Variants in IVD observed in about 807,000 individuals in gnomAD.
IVD encodes isovaleryl-CoA dehydrogenase, mitochondrial.
Under a neutral mutation model 51.3 loss-of-function variants are expected in IVD, and 31 were observed. That is an observed-to-expected ratio of 0.60 (90% CI 0.45 to 0.81). The LOEUF is 0.81. Among genes scored for constraint, IVD ranks in the 40% least tolerant of loss-of-function variants. IVD has a pLI of 0.00. For missense variants in IVD, 475 were observed against 552.0 expected, an observed-to-expected ratio of 0.86 and a Z score of 1.40; for synonymous variants, 205 against 219.4, an observed-to-expected ratio of 0.93 and a Z score of 0.58.
downstream of IVD, among the ~76,000 whole-genome samples, chr15:40,422,585 C>CTTTTTTTTTTTTTTTTT (rs1157351420): frequency 1.9e-3 from 134 of 69,136 alleles, 13 homozygotes; most frequent in Admixed American, 2.9e-3. Flanking sequence ...GCCCGGCCGA[C>CTTTTTTTTTTTTTTTTT]TTTTTTTTTT....
In IVD at chr15:40,415,388, T is replaced by C. The variant is rs1485540723; in HGVS notation, c.879-13T>C. The C allele has an allele frequency of 1.2e-6, 2 of 1,612,970 alleles. No individual in the cohort carries two copies. The highest frequency in any genetic ancestry group is 2.2e-5 in the East Asian group (1 of 44,872). On this transcript the variant is annotated splice_polypyrimidine_tract_variant and intron_variant, in intron 8 of 11. Coordinates refer to ENST00000487418, the MANE Select transcript of IVD (RefSeq NM_002225.5). ...TGAGGAGGTGCCCACGGGGCCTTTC[T>C]CCTTTCTGACAGGCTCATGCAAGCG...
downstream of IVD, among the ~76,000 whole-genome samples, chr15:40,422,585 C>CTTTTTTTTTCTTTTTT (rs1892399578): frequency 1.4e-5 from 1 of 69,134 alleles, no homozygotes; most frequent in Non-Finnish European, 2.5e-5. Context: ...GCCCGGCCGA[C>CTTTTTTTTTCTTTTTT]TTTTTTTTTT....
rs1039225701 is a variant in IVD at position 40,418,962 on chromosome 15, G to A, written c.*699G>A. 10 of 469,074 alleles carry A rather than the reference G, an allele frequency of 2.1e-5. No homozygotes were observed. The East Asian group carries it at 2.2e-4, about 10-fold the overall frequency. 29.1% of individuals were successfully genotyped at this position (469,074 alleles called of 1,614,324 possible). A position where few individuals can be genotyped will look rare whatever the true frequency, so the allele number is the denominator to read the frequency against. On this transcript the variant is annotated 3_prime_UTR_variant, in exon 12 of 12. Coordinates refer to ENST00000487418, the MANE Select transcript of IVD (RefSeq NM_002225.5). ...AGCCTGGCCAACATGTGGAAACCTCGCCTCAACTAAAAATAGAAAAAAATT... is the reference window on the plus strand; with the variant it reads ...AGCCTGGCCAACATGTGGAAACCTCACCTCAACTAAAAATAGAAAAAAATT...
Position 40,420,718 on chromosome 15 carries a change from T to G in IVD, c.*2455T>G. ...TTTCTGAAAACCGCCCCTTTGTTTT[T>G]AAAAAGATCAACACAATTTGACTTT... is the stretch of plus-strand genomic sequence containing the variant. On this transcript the variant is annotated 3_prime_UTR_variant, in exon 12 of 12. Transcript: ENST00000487418. 1 of 986,004 alleles carries G rather than the reference T, an allele frequency of 1.0e-6. No individual in the cohort carries two copies. Among genetic ancestry groups the G allele is most frequent in the African/African-American group, 1.7e-5 (1 of 57,316 alleles). 61.1% of individuals were successfully genotyped at this position (986,004 alleles called of 1,614,324 possible).
chr15:40,415,595 G>A, intron 9 of IVD, 113 bp downstream of exon 9: 1 of 890,750 alleles, frequency 1.1e-6, no homozygotes, highest in Non-Finnish European at 1.8e-6. Flanking sequence ...CTAGCAAATT[G>A]AGCTTGACTG....
downstream of IVD, among the ~76,000 whole-genome samples, chr15:40,425,894 T>G (rs1892643205): frequency 1.3e-5 from 2 of 151,922 alleles, no homozygotes; most frequent in South Asian, 4.2e-4. Context: ...ACTGCAGCCT[T>G]GACCTCCCGG....
In IVD at chr15:40,406,723, G is replaced by C. The variant is rs116696916; in HGVS notation, c.144+752G>C. ...CACTTGGAGGCTGGATGGAGTTGGCGGAGGTATGAGCCTCCCAGCAACTCC... is the reference window on the plus strand; with the variant it reads ...CACTTGGAGGCTGGATGGAGTTGGCCGAGGTATGAGCCTCCCAGCAACTCC... On this transcript the variant is annotated intron_variant, in intron 1 of 11. Transcript: ENST00000487418. Among the ~76,000 whole-genome samples the C allele has an allele frequency of 9.1e-3, 1,393 of 152,290 alleles. 15 individuals are homozygous for C. The highest frequency in any genetic ancestry group is 0.032 in the African/African-American group (1,334 of 41,556).
downstream of IVD, chr15:40,424,207 C>T (rs750379714): frequency 4.7e-6 from 6 of 1,287,744 alleles, 1 homozygote; most frequent in South Asian, 7.4e-5. Context: ...TTCAGTGGCT[C>T]CCAGCACCTG....
chr15:40,414,925 A>C lies in IVD; in HGVS notation c.821A>C (p.Tyr274Ser). The change falls in exon 8 of 12, where the codon TAC (tyrosine) becomes TCC (serine). Residue 274 changes from tyrosine (Y) to serine (S), a missense_variant. By Grantham distance (144) the Tyr-to-Ser change is moderately radical (BLOSUM62 -2). Coordinates refer to ENST00000487418, the MANE Select transcript of IVD (RefSeq NM_002225.5). ...CTGGGCCATGAGAATAAGGGTGTCT[A>C]CGTGCTGATGAGTGGGCTGGACCTG... ...NILGHENKGV[Y>S]VLMSGLDLER... is the part of the protein sequence containing the mutation. 6.2e-7 allele frequency: 1 copy of C among 1,614,136 alleles called. No individual in the cohort carries two copies. Among genetic ancestry groups the C allele is most frequent in the Non-Finnish European group, 8.5e-7 (1 of 1,180,008 alleles).
rs1180321419 is a variant in IVD, at chr15:40,420,867, G to A, written c.*2604G>A. ...TAGAGTGTGATCTGAGAAGGGAATG[G>A]GTCTGGGTTGTTCCACCCCTTCCGA... On this transcript the variant is annotated 3_prime_UTR_variant, in exon 12 of 12. Coordinates refer to ENST00000487418, the MANE Select transcript of IVD (RefSeq NM_002225.5). The A allele has an allele frequency of 2.0e-6, 2 of 985,420 alleles. No homozygotes were observed. The highest frequency in any genetic ancestry group is 2.4e-6 in the Non-Finnish European group (2 of 830,016). The allele number at this position is 985,420 out of a possible 1,614,324, so 61.0% of individuals were successfully genotyped here.
Position 40,432,189 on chromosome 15 carries a change from C to A in IVD, c.720-1665C>A, listed in dbSNP as rs867824471. Among the ~76,000 whole-genome samples, 111 of 152,314 alleles carry A rather than the reference C, an allele frequency of 7.3e-4. 1 individual carries two copies. The highest frequency in any genetic ancestry group is 2.5e-3 in the African/African-American group (104 of 41,582). ...GAACTCCTGGCCTCAAGTGATCCGC[C>A]CACCTCGGCCCCCCAAAGTGCTGGA... On this transcript the variant is annotated intron_variant, in intron 7 of 8. Transcript: ENST00000473112.
intron 7 of IVD, among the ~76,000 whole-genome samples, chr15:40,432,495 C>A (rs1412587407): frequency 2.0e-5 from 3 of 152,238 alleles, no homozygotes; most frequent in Admixed American, 1.3e-4. Flanking sequence ...TGTAGTCCCC[C>A]CAGAGGGTGT....
Position 40,419,189 on chromosome 15 carries a change from G to A in IVD, c.*926G>A, listed in dbSNP as rs911383651. 1.6e-6 allele frequency: 2 copies of A among 1,289,148 alleles called. No homozygotes were observed. Among genetic ancestry groups the A allele is most frequent in the Non-Finnish European group, 2.0e-6 (2 of 988,856 alleles). The allele number at this position is 1,289,148 out of a possible 1,614,324, so 79.9% of individuals were successfully genotyped here. ...CCCTTGTTTCTTCCAGTTTCTAGAG[G>A]TATCAGCTCCTAGCAGCTTATGAAC... On this transcript the variant is annotated 3_prime_UTR_variant, in exon 12 of 12. Coordinates refer to ENST00000487418, the MANE Select transcript of IVD (RefSeq NM_002225.5).
chr15:40,415,223 C>T (rs900898177), intron 8 of IVD, 178 bp from the exon 9 acceptor site: 13 of 732,720 alleles, frequency 1.8e-5, no homozygotes, highest in Non-Finnish European at 3.0e-5. Context: ...GGCTGTGAAA[C>T]GACACCTGGG....
downstream of IVD, among the ~76,000 whole-genome samples, chr15:40,426,319 C>T (rs1446306458): frequency 3.9e-5 from 6 of 152,032 alleles, no homozygotes; most frequent in South Asian, 4.2e-4. Flanking sequence ...GGGTGGATCA[C>T]CTGAGGTCAG....
Position 40,420,077 on chromosome 15 carries a change from T to C in IVD, c.*1814T>C. 2.1e-6 allele frequency: 2 copies of C among 960,128 alleles called. No homozygotes were observed. Among genetic ancestry groups the C allele is most frequent in the Non-Finnish European group, 2.5e-6 (2 of 806,828 alleles). 59.5% of individuals were successfully genotyped at this position (960,128 alleles called of 1,614,324 possible). A position where few individuals can be genotyped will look rare whatever the true frequency, so the allele number is the denominator to read the frequency against. On this transcript the variant is annotated 3_prime_UTR_variant, in exon 12 of 12. Coordinates refer to ENST00000487418, the MANE Select transcript of IVD (RefSeq NM_002225.5). ...GAGATCGCGCCATTGCACTCCAGCC[T>C]GGGCAACAGAGTGAGACTCTGTCTC... is the stretch of plus-strand genomic sequence containing the variant.
At chr15:40,407,153 A>G (rs1301756778) in intron 1 of IVD, among the ~76,000 whole-genome samples, 1 of 152,236 alleles carries the variant, frequency 6.6e-6, no homozygotes, top group Non-Finnish European at 1.5e-5. Context: ...ATGAGCCACC[A>G]TGCCCAGCCG....
At chr15:40,429,289 C>T (rs527582007), downstream of IVD, among the ~76,000 whole-genome samples, 1 of 152,320 alleles carries the variant, frequency 6.6e-6, no homozygotes, top group African/African-American at 2.4e-5. Context: ...GACCTGCCCC[C>T]ACATCCACCA....
chr15:40,412,729 CAG>C (rs1390795509), intron 6 of IVD: 3 of 475,178 alleles, frequency 6.3e-6, no homozygotes, highest in African/African-American at 5.9e-5. Flanking sequence ...CGGGAGGGCT[CAG>C]GGAACTGAGC....
Sources: allele counts gnomAD v4.1 joint callset (sites outside exome capture counted in the v4.1 genomes callset), GRCh38; gene constraint gnomAD v4.1.1; transcripts MANE v1.5; gene names NCBI Gene and HGNC (gene_info 2026-07-23, HGNC 2026-07-21).